Variants in SLC35F4 observed in about 807,000 individuals in gnomAD.
SLC35F4 encodes solute carrier family 35 member F4.
A neutral mutation model predicts 44.2 loss-of-function variants in SLC35F4; 24 were observed. That is an observed-to-expected ratio of 0.54 (90% CI 0.39 to 0.76). SLC35F4 has a LOEUF of 0.76. Among genes scored for constraint, SLC35F4 ranks in the 30% least tolerant of loss-of-function variants. The pLI, the probability that SLC35F4 is intolerant of heterozygous loss-of-function variation, is 0.00. For synonymous variants in SLC35F4, 238 were observed against 223.6 expected, an observed-to-expected ratio of 1.06 and a Z score of -0.57; for missense variants, 562 against 586.1, an observed-to-expected ratio of 0.96 and a Z score of 0.42.
chr14:57,851,610 G>T (rs1886569084), intron 1 of SLC35F4, among the ~76,000 whole-genome samples: 1 of 152,236 alleles, frequency 6.6e-6, no homozygotes, highest in Non-Finnish European at 1.5e-5. Context: ...TAAAATGTGT[G>T]CCAGGAAGTT....
At chr14:57,619,925 CAGA>C (rs1174444780) in intron 1 of SLC35F4, among the ~76,000 whole-genome samples, 9 of 151,564 alleles carry the variant, frequency 5.9e-5, no homozygotes, top group Admixed American at 5.9e-4. Context: ...ATCAATCAAG[CAGA>C]AGAACAGATA....
chr14:57,934,071 G>A (rs1195292367), intron 1 of SLC35F4, among the ~76,000 whole-genome samples: 4 of 151,922 alleles, frequency 2.6e-5, no homozygotes, highest in African/African-American at 9.7e-5. Flanking sequence ...CCTTTTTTCT[G>A]TCCATTTTTT....
intron 1 of SLC35F4, among the ~76,000 whole-genome samples, chr14:57,683,377 C>G (rs1362824871): frequency 6.6e-6 from 1 of 152,166 alleles, no homozygotes; most frequent in South Asian, 2.1e-4. Context: ...CAAGAGAAGA[C>G]ACTTTAAAAG....
intron 1 of SLC35F4, among the ~76,000 whole-genome samples, chr14:57,732,319 C>A (rs113836168): frequency 2.0e-5 from 3 of 152,034 alleles, no homozygotes; most frequent in Admixed American, 2.0e-4. Flanking sequence ...TTTGAATAAA[C>A]CCTTTGAAAG....
At chr14:57,837,762 G>A (rs561281266) in intron 1 of SLC35F4, 9 of 152,270 alleles carry the variant, frequency 5.9e-5, no homozygotes, top group African/African-American at 1.4e-4. Context: ...GTTCTAGAGC[G>A]TCCTTCCTCA....
chr14:57,728,441 CTTTTTTTTTTT>C (rs869064667), intron 1 of SLC35F4, among the ~76,000 whole-genome samples: 2 of 59,026 alleles, frequency 3.4e-5, no homozygotes, highest in African/African-American at 1.5e-4. Context: ...TTCTTTCTTT[CTTTTTTTTTTT>C]TTTTTTTTTT....
chr14:57,885,944 C>T (rs1888635230), intron 1 of SLC35F4, among the ~76,000 whole-genome samples: 1 of 152,086 alleles, frequency 6.6e-6, no homozygotes, highest in African/African-American at 2.4e-5. Context: ...GAAGTATTCC[C>T]ACTAGGGTGT....
At chr14:57,737,937 G>C (rs747041339) in intron 1 of SLC35F4, among the ~76,000 whole-genome samples, 2 of 152,188 alleles carry the variant, frequency 1.3e-5, no homozygotes, top group Non-Finnish European at 2.9e-5. Flanking sequence ...GGAAGATTCA[G>C]CAAGTACTAG....
intron 1 of SLC35F4, among the ~76,000 whole-genome samples, chr14:57,933,893 A>C (rs563231053): frequency 6.6e-6 from 1 of 152,338 alleles, no homozygotes; most frequent in Admixed American, 6.5e-5. Flanking sequence ...ACACGAAAAA[A>C]TATATATAAT....
intron 1 of SLC35F4, among the ~76,000 whole-genome samples, chr14:57,828,770 A>G (rs934890955): frequency 1.3e-5 from 2 of 152,204 alleles, no homozygotes; most frequent in South Asian, 4.1e-4. Context: ...ACTCTGGGCA[A>G]CCCGAGGTCT....
At chr14:57,767,689 T>A (rs972537027) in intron 1 of SLC35F4, among the ~76,000 whole-genome samples, 2 of 151,030 alleles carry the variant, frequency 1.3e-5, no homozygotes, top group East Asian at 3.9e-4. Flanking sequence ...ATAAATAAAA[T>A]TGAAAATAGG....
At chr14:57,599,383 G>A (rs1162616494) in intron 1 of SLC35F4, among the ~76,000 whole-genome samples, 2 of 152,202 alleles carry the variant, frequency 1.3e-5, no homozygotes, top group Non-Finnish European at 2.9e-5. Context: ...CAGAAATTCT[G>A]CAGTTGGGTA....
chr14:57,603,282 G>A (rs935839863), intron 1 of SLC35F4, among the ~76,000 whole-genome samples: 10 of 152,094 alleles, frequency 6.6e-5, no homozygotes, highest in African/African-American at 2.4e-4. Flanking sequence ...CATTGCAAAA[G>A]AACAAACAAT....
intron 1 of SLC35F4, among the ~76,000 whole-genome samples, chr14:57,795,099 T>G (rs1363371134): frequency 1.3e-5 from 2 of 152,196 alleles, no homozygotes; most frequent in Non-Finnish European, 2.9e-5. Flanking sequence ...TTAAATGAGC[T>G]AATGTGTGCT....
chr14:57,956,226 C>A (rs137960860), intron 1 of SLC35F4, among the ~76,000 whole-genome samples: 11 of 151,974 alleles, frequency 7.2e-5, no homozygotes, highest in Admixed American at 7.2e-4. Context: ...TTGGGAAAAC[C>A]GGCTAGCCAT....
At chr14:57,790,343 A>G (rs1595070211) in intron 1 of SLC35F4, among the ~76,000 whole-genome samples, 1 of 151,522 alleles carries the variant, frequency 6.6e-6, no homozygotes, top group African/African-American at 2.4e-5. Context: ...TTCCTATACA[A>G]CAATAATAGA....
At chr14:57,797,967 C>T (rs1192208939) in intron 1 of SLC35F4, among the ~76,000 whole-genome samples, 1 of 151,686 alleles carries the variant, frequency 6.6e-6, no homozygotes, top group Non-Finnish European at 1.5e-5. Context: ...CTCCTAACCT[C>T]CTGCCATTGC....
chr14:57,738,002 C>T (rs904367598), intron 1 of SLC35F4, among the ~76,000 whole-genome samples: 1 of 152,174 alleles, frequency 6.6e-6, no homozygotes, highest in Non-Finnish European at 1.5e-5. Context: ...CATGCTAAAA[C>T]TTGGAGCAAG....
In SLC35F4 at chr14:57,804,055, C is replaced by G. The variant is rs536053077; in HGVS notation, c.103+61668G>C. 2.0e-5 allele frequency among the ~76,000 whole-genome samples: 3 copies of G among 152,124 alleles called. 1 individual carries two copies. The South Asian group carries it at 6.2e-4, about 32-fold the overall frequency. On this transcript the variant is annotated intron_variant, in intron 1 of 7. Transcript: ENST00000556826. ...GAGAATAAAATATCTAGGGATACAA[C>G]TAAAAAGGGAAGTGAAGGACTTCTT...
Sources: allele counts gnomAD v4.1 joint callset (sites outside exome capture counted in the v4.1 genomes callset), GRCh38; gene constraint gnomAD v4.1.1; transcripts MANE v1.5; gene names NCBI Gene and HGNC (gene_info 2026-07-23, HGNC 2026-07-21).